Variants in ORC5 observed in about 807,000 individuals in gnomAD.
ORC5 encodes the protein protein phosphatase 1, regulatory subunit 117.
A neutral mutation model predicts 58.8 loss-of-function variants in ORC5; 39 were observed. That is an observed-to-expected ratio of 0.66 (90% confidence interval 0.51 to 0.87). The LOEUF (loss-of-function observed/expected upper bound fraction) is 0.87, where lower values mean the gene tolerates loss of function less well. ORC5 is among the 40% of genes least tolerant of loss of function. The pLI, the probability that ORC5 is intolerant of heterozygous loss-of-function variation, is 0.00. For missense variants in ORC5, 493 were observed against 506.3 expected (o/e 0.97, Z 0.25); for synonymous variants, 218 against 177.6 (o/e 1.23, Z -1.81).
chr7:104,207,635 C>G (rs147365191), intron 1 of ORC5, among the ~76,000 whole-genome samples, 198 bp downstream of exon 1: 20 of 152,276 alleles, frequency 1.3e-4, no homozygotes, highest in African/African-American at 4.3e-4. Flanking sequence ...GCAGGCCGGT[C>G]GCTCTCAGAC....
At chr7:104,142,043 G>A (rs1798682340) in intron 12 of ORC5, among the ~76,000 whole-genome samples, 1 of 152,008 alleles carries the variant, frequency 6.6e-6, no homozygotes. Flanking sequence ...CATAAAAACA[G>A]ACACACAGAT....
chr7:104,157,775 T>A (rs1007487460), intron 12 of ORC5, among the ~76,000 whole-genome samples: 1 of 152,066 alleles, frequency 6.6e-6, no homozygotes, highest in Admixed American at 6.6e-5. Flanking sequence ...AAGGTACCAA[T>A]AGTAAGGTGT....
chr7:104,143,773 A>G (rs921235580), intron 12 of ORC5, among the ~76,000 whole-genome samples: 3 of 152,192 alleles, frequency 2.0e-5, no homozygotes, highest in Non-Finnish European at 4.4e-5. Flanking sequence ...ATATATATAA[A>G]TTGTACACAA....
chr7:104,159,881 T>C (rs1798995612), intron 12 of ORC5, among the ~76,000 whole-genome samples: 1 of 152,204 alleles, frequency 6.6e-6, no homozygotes, highest in South Asian at 2.1e-4. Context: ...AAAATTCCTA[T>C]GTTGTATGTA....
rs141275662 is a variant in ORC5, at chr7:104,166,864, C to A, written c.898G>T (p.Val300Leu). ...AACTTAGAGTAATATGGAAGTTCCA[C>A]ATGAGTATGCGCTGAGAGGCCTATA... ...QLKGLSAHTH[V>L]ELPYYSKFIL... Residue 300 changes from valine (V) to leucine (L), a missense_variant, in exon 10 of 14, where the codon GTG becomes TTG. Around this residue, in one of 3 missense-constraint regions of ORC5, gnomAD observed 412 missense variants for 403.7 expected, o/e 1.02. Transcript: ENST00000297431. 618 of 1,606,342 alleles carry A rather than the reference C, an allele frequency of 3.8e-4. No homozygotes were observed. The highest frequency in any genetic ancestry group is 5.1e-4 in the Non-Finnish European group (594 of 1,173,444).
rs2115709204 is a variant in ORC5 at position 104,126,450 on chromosome 7, G to A, written c.*398C>T. On this transcript the variant is annotated 3_prime_UTR_variant, in exon 14 of 14. Transcript: ENST00000297431. ...AAGCGACTGCAGAGGCTCCTGTGGA[G>A]AGGAAGTGAAAAGAATGGGCATATA... 6.1e-6 allele frequency: 1 copy of A among 163,206 alleles called. No individual in the cohort carries two copies. Among genetic ancestry groups the A allele is most frequent in the Non-Finnish European group, 1.3e-5 (1 of 75,272 alleles). 10.1% of individuals were successfully genotyped at this position (163,206 alleles called of 1,614,324 possible).
At chr7:104,148,016 G>C (rs891845837) in intron 12 of ORC5, among the ~76,000 whole-genome samples, 1 of 152,152 alleles carries the variant, frequency 6.6e-6, no homozygotes, top group Non-Finnish European at 1.5e-5. Context: ...AGGGGTCAGG[G>C]AAAGATAGCT....
At chr7:104,127,914 G>T (rs1474817397) in intron 13 of ORC5, among the ~76,000 whole-genome samples, 2 of 152,112 alleles carry the variant, frequency 1.3e-5, no homozygotes, top group African/African-American at 4.8e-5. Context: ...TTGCTTCATT[G>T]TAACAGTGCC....
intron 12 of ORC5, among the ~76,000 whole-genome samples, chr7:104,153,303 G>C (rs1053134939): frequency 6.6e-6 from 1 of 152,048 alleles, no homozygotes; most frequent in African/African-American, 2.4e-5. Flanking sequence ...CCACACCAGG[G>C]GTAGTAGGAG....
chr7:104,127,664 C>A (rs1241465416), intron 13 of ORC5, among the ~76,000 whole-genome samples: 2 of 152,122 alleles, frequency 1.3e-5, no homozygotes, highest in African/African-American at 4.8e-5. Flanking sequence ...GTGAGAACAG[C>A]CTTTTAAAGA....
intron 1 of ORC5, 138 bp downstream of exon 1, chr7:104,207,695 G>A (rs947811227): frequency 5.6e-6 from 4 of 716,822 alleles, no homozygotes; most frequent in Middle Eastern, 4.8e-4. Flanking sequence ...CTGCAGTACA[G>A]AACCACAACA....
intron 12 of ORC5, among the ~76,000 whole-genome samples, chr7:104,149,792 T>C (rs1267135061): frequency 1.3e-5 from 2 of 152,200 alleles, no homozygotes; most frequent in East Asian, 1.9e-4. Flanking sequence ...AAATAATCAA[T>C]CTATCTGACT....
intron 12 of ORC5, among the ~76,000 whole-genome samples, chr7:104,151,094 AATGG>A (rs1798839271): frequency 6.6e-6 from 1 of 152,154 alleles, no homozygotes; most frequent in Non-Finnish European, 1.5e-5. Flanking sequence ...GCTTATTGTG[AATGG>A]TATATATGGT....
rs772442706 is a variant in ORC5, at chr7:104,195,128, T to C, written c.553+15A>G. 4 of 1,344,230 alleles carry C rather than the reference T, an allele frequency of 3.0e-6. No individual in the cohort carries two copies. Among genetic ancestry groups the C allele is most frequent in the Non-Finnish European group, 4.1e-6 (4 of 974,506 alleles). 83.3% of individuals were successfully genotyped at this position (1,344,230 alleles called of 1,614,324 possible). ...TCCTGCATATCATTTGCCAAAACAATGTTTTAAGGTTTACCTATGCTGTAA... is the reference window on the plus strand; with the variant it reads ...TCCTGCATATCATTTGCCAAAACAACGTTTTAAGGTTTACCTATGCTGTAA... On this transcript the variant is annotated intron_variant, in intron 5 of 13. Transcript: ENST00000297431.
At chr7:104,185,236 T>C (rs149181511) in intron 6 of ORC5, among the ~76,000 whole-genome samples, 1 of 152,272 alleles carries the variant, frequency 6.6e-6, no homozygotes, top group African/African-American at 2.4e-5. Context: ...TGGAACTTAA[T>C]ATAAAATTAA....
rs117186533 is a variant in ORC5 at position 104,137,241 on chromosome 7, C to G, written c.1150-348G>C. Reference sequence around the variant, plus strand: ...ACTCAGTCTTCCCAAGTGGCTGGGACTACAGGCACATTTTTTAAATGTGCC... The same window carrying G: ...ACTCAGTCTTCCCAAGTGGCTGGGAGTACAGGCACATTTTTTAAATGTGCC... On this transcript the variant is annotated intron_variant, in intron 12 of 13. Coordinates refer to ENST00000297431, the MANE Select transcript of ORC5 (RefSeq NM_002553.4). Among the ~76,000 whole-genome samples, 276 of 144,548 alleles carry G rather than the reference C, an allele frequency of 1.9e-3. 4 individuals are homozygous for G. The highest frequency in any genetic ancestry group is 2.8e-3 in the Non-Finnish European group (188 of 66,744). The allele number at this position is 144,548 out of a possible 152,430, so 94.8% of individuals were successfully genotyped here.
chr7:104,156,073 G>A (rs75924452), intron 12 of ORC5, among the ~76,000 whole-genome samples: 4,324 of 151,610 alleles, frequency 0.029, 185 homozygotes, highest in African/African-American at 0.099. Context: ...TATGATGAGA[G>A]CAGAAAGGAA....
intron 12 of ORC5, among the ~76,000 whole-genome samples, chr7:104,145,160 A>G (rs545731786): frequency 1.3e-5 from 2 of 152,344 alleles, no homozygotes; most frequent in South Asian, 4.1e-4. Flanking sequence ...GAAATCCATA[A>G]TGAGAGTAGG....
chr7:104,169,224 C>G (rs1799165053), intron 8 of ORC5, among the ~76,000 whole-genome samples: 2 of 152,076 alleles, frequency 1.3e-5, no homozygotes, highest in African/African-American at 4.8e-5. Flanking sequence ...GGTATCACAC[C>G]AGAAAACTGA....
Sources: gnomAD v4.1 joint callset for allele counts (sites outside exome capture counted in the v4.1 genomes callset) on GRCh38, gnomAD v4.1.1 for gene constraint, gnomAD v4.1.1 regional missense constraint, MANE v1.5 for transcripts, NCBI Gene and HGNC (gene_info 2026-07-23, HGNC 2026-07-21) for gene names.